Variants in SGCZ observed in about 807,000 individuals in gnomAD.
SGCZ encodes sarcoglycan zeta.
Under a neutral mutation model 41.3 loss-of-function variants are expected in SGCZ, and 40 were observed. That is an observed-to-expected ratio of 0.97 (90% CI 0.75 to 1.26). The LOEUF (loss-of-function observed/expected upper bound fraction) is 1.26. Among genes scored for constraint, SGCZ ranks in the 50% most tolerant of loss-of-function variants. The pLI, the probability that SGCZ is intolerant of heterozygous loss-of-function variation, is 0.00. For synonymous variants in SGCZ, 206 were observed against 137.5 expected, an observed-to-expected ratio of 1.50 and a Z score of -3.49; for missense variants, 552 against 369.8, an observed-to-expected ratio of 1.49 and a Z score of -4.04.
chr8:15,090,318 C>T (rs937768348), intron 1 of SGCZ, among the ~76,000 whole-genome samples: 3 of 152,296 alleles, frequency 2.0e-5, no homozygotes, highest in Admixed American at 6.5e-5. Context: ...TTAAAATTAA[C>T]ACTTGAGGTT....
chr8:14,181,410 A>T (rs1804721450), intron 4 of SGCZ, among the ~76,000 whole-genome samples: 1 of 152,186 alleles, frequency 6.6e-6, no homozygotes, highest in South Asian at 2.1e-4. Flanking sequence ...TAGTAATACA[A>T]CTCAGACTCA....
intron 2 of SGCZ, among the ~76,000 whole-genome samples, chr8:14,551,646 A>AAT (rs1253124001): frequency 3.0e-5 from 3 of 100,418 alleles, no homozygotes. Context: ...ATATATATAA[A>AAT]ATATATATAT....
chr8:14,507,220 T>C (rs1802331582), intron 2 of SGCZ, among the ~76,000 whole-genome samples: 1 of 151,410 alleles, frequency 6.6e-6, no homozygotes, highest in Non-Finnish European at 1.5e-5. Context: ...TGCATAAGTA[T>C]GTAGCCATTC....
intron 1 of SGCZ, among the ~76,000 whole-genome samples, chr8:14,827,274 T>C (rs1037983945): frequency 2.0e-5 from 3 of 149,190 alleles, no homozygotes; most frequent in Non-Finnish European, 3.0e-5. Context: ...TCTCACTCTG[T>C]CACCCAGGCT....
chr8:14,711,598 TAAAAAAA>T (rs200467876), intron 1 of SGCZ, among the ~76,000 whole-genome samples: 1 of 80,290 alleles, frequency 1.2e-5, no homozygotes, highest in Non-Finnish European at 2.4e-5. Flanking sequence ...TGAGACTCTG[TAAAAAAA>T]AAAAAAAAAA....
intron 1 of SGCZ, among the ~76,000 whole-genome samples, chr8:15,008,495 A>C (rs573912398): frequency 7.3e-6 from 1 of 137,212 alleles, no homozygotes; most frequent in African/African-American, 2.7e-5. Flanking sequence ...AAATAAAAAT[A>C]AAAAACATTA....
At chr8:15,042,185 G>C (rs1466138917) in intron 1 of SGCZ, among the ~76,000 whole-genome samples, 1 of 152,106 alleles carries the variant, frequency 6.6e-6, no homozygotes, top group Admixed American at 6.6e-5. Context: ...CAAGCCTAAA[G>C]TTACCTACAG....
At chr8:14,695,960 A>T (rs1808947956) in intron 1 of SGCZ, among the ~76,000 whole-genome samples, 1 of 152,092 alleles carries the variant, frequency 6.6e-6, no homozygotes, top group Non-Finnish European at 1.5e-5. Flanking sequence ...AACCTTCCAA[A>T]TTGCTTCTAC....
chr8:15,224,966 A>G (rs1421420785), intron 1 of SGCZ, among the ~76,000 whole-genome samples: 1 of 152,214 alleles, frequency 6.6e-6, no homozygotes, highest in Non-Finnish European at 1.5e-5. Flanking sequence ...ACATTGAGAA[A>G]GCTACAAAAA....
chr8:14,754,912 G>A (rs1412039805), intron 1 of SGCZ, among the ~76,000 whole-genome samples: 3 of 151,970 alleles, frequency 2.0e-5, no homozygotes, highest in Non-Finnish European at 2.9e-5. Context: ...CTATTTATTT[G>A]TAGAGACGGC....
chr8:14,581,803 C>CTTTTTGTT (rs527910779), intron 1 of SGCZ, among the ~76,000 whole-genome samples: 220 of 152,260 alleles, frequency 1.4e-3, no homozygotes, highest in African/African-American at 5.1e-3. Flanking sequence ...AAAAAGAAAA[C>CTTTTTGTT]TGAAGTATAC....
intron 1 of SGCZ, among the ~76,000 whole-genome samples, chr8:14,992,905 A>G (rs985793934): frequency 2.5e-5 from 3 of 121,444 alleles, no homozygotes; most frequent in African/African-American, 9.8e-5. Flanking sequence ...CATCCAATCT[A>G]CTCCCAAATC....
At chr8:14,753,337 A>G (rs369796899) in intron 1 of SGCZ, among the ~76,000 whole-genome samples, 12 of 152,214 alleles carry the variant, frequency 7.9e-5, no homozygotes, top group African/African-American at 2.7e-4. Context: ...GTTAAATAAC[A>G]TATTTATCTA....
chr8:14,086,776 AG>A lies in SGCZ; in HGVS notation c.*3666del, dbSNP rs140474277. Among the ~76,000 whole-genome samples the A allele has an allele frequency of 5.1e-3, 769 of 151,798 alleles. 5 individuals are homozygous for A. The highest frequency in any genetic ancestry group is 8.0e-3 in the Non-Finnish European group (540 of 67,718). On this transcript the variant is annotated 3_prime_UTR_variant, in exon 8 of 8. Coordinates refer to ENST00000382080, the MANE Select transcript of SGCZ (RefSeq NM_139167.4). ...GAGCATAGGAAGTAGCGTGCCAAAA[AG>A]GTTTGTATTTCAACTTTTATAAGCA...
chr8:14,376,765 G>T (rs1014318066), intron 2 of SGCZ, among the ~76,000 whole-genome samples: 2 of 152,122 alleles, frequency 1.3e-5, no homozygotes, highest in Non-Finnish European at 2.9e-5. Context: ...CAAATATCAT[G>T]TCAAATGTCC....
At chr8:14,873,605 T>C (rs1305853783) in intron 1 of SGCZ, among the ~76,000 whole-genome samples, 1 of 152,072 alleles carries the variant, frequency 6.6e-6, no homozygotes, top group Admixed American at 6.6e-5. Context: ...TGGATGGACT[T>C]AACTCATCAG....
intron 1 of SGCZ, among the ~76,000 whole-genome samples, chr8:14,645,631 C>A (rs1330900298): frequency 1.3e-5 from 2 of 151,372 alleles, no homozygotes; most frequent in Non-Finnish European, 3.0e-5. Flanking sequence ...CTTTTCCTAT[C>A]TTGGAACACT....
intron 4 of SGCZ, among the ~76,000 whole-genome samples, chr8:14,191,064 T>C (rs1354749453): frequency 2.0e-5 from 3 of 152,222 alleles, no homozygotes; most frequent in Non-Finnish European, 2.9e-5. Context: ...TGATAAATTA[T>C]GGTGGTTTTG....
chr8:14,946,265 C>T (rs530882561), intron 1 of SGCZ, among the ~76,000 whole-genome samples: 2 of 151,026 alleles, frequency 1.3e-5, no homozygotes, highest in East Asian at 2.0e-4. Context: ...AGAGCGTAGA[C>T]TCTAAGATGG....
Sources: gnomAD v4.1 joint callset for allele counts (sites outside exome capture counted in the v4.1 genomes callset) on GRCh38, gnomAD v4.1.1 for gene constraint, MANE v1.5 for transcripts, NCBI Gene and HGNC (gene_info 2026-07-23, HGNC 2026-07-21) for gene names.